The following RIT2 variants were observed in gnomAD, a reference collection of about 807,000 sequenced individuals.
The protein encoded by RIT2 is GTP-binding protein Rit2.
In RIT2, 24 loss-of-function variants were observed where a neutral mutation model predicts 23.7. The ratio of observed to expected loss-of-function variants is 1.01; its 90% CI spans 0.73 to 1.43. RIT2 has a LOEUF of 1.43. Among genes scored for constraint, RIT2 ranks in the 40% most tolerant of loss-of-function variants. The probability of loss-of-function intolerance (pLI) is 0.00; values close to 1 mark genes in which losing one functional copy is unlikely to be tolerated. For missense variants in RIT2, 236 were observed against 266.9 expected (o/e 0.88, Z 0.81); for synonymous variants, 107 against 91.1 (o/e 1.17, Z -0.99).
intron 2 of RIT2, among the ~76,000 whole-genome samples, chr18:42,975,285 G>C (rs558504988): frequency 1.3e-5 from 2 of 152,144 alleles, no homozygotes; most frequent in African/African-American, 4.8e-5. Context: ...TAACCATGTG[G>C]ATTTTGTTTT....
intron 2 of RIT2, among the ~76,000 whole-genome samples, chr18:43,022,184 T>G (rs944769374): frequency 6.6e-6 from 1 of 152,150 alleles, no homozygotes; most frequent in African/African-American, 2.4e-5. Flanking sequence ...GTCATTAAAT[T>G]AAGTGAAATA....
At chr18:42,842,671 T>C (rs1906799517) in intron 4 of RIT2, among the ~76,000 whole-genome samples, 1 of 152,100 alleles carries the variant, frequency 6.6e-6, no homozygotes, top group Non-Finnish European at 1.5e-5. Context: ...AAATCTGAAA[T>C]TCAAAATGCT....
chr18:42,853,515 G>A (rs2144039441), intron 4 of RIT2, among the ~76,000 whole-genome samples: 1 of 152,304 alleles, frequency 6.6e-6, no homozygotes, highest in East Asian at 1.9e-4. Flanking sequence ...TTAAAAGCAT[G>A]AAACTTGAAA....
chr18:43,092,256 C>T lies in RIT2; in HGVS notation c.103+23161G>A, dbSNP rs540687701. The stretch of plus-strand genomic sequence containing the variant: ...TGTAGAGCTCTGACTCTGTAATCTC[C>T]AAAAGAGAGGCTTATGGAGTTAGAA... On this transcript the variant is annotated intron_variant, in intron 1 of 4. Transcript: ENST00000326695. Among the ~76,000 whole-genome samples the T allele has an allele frequency of 2.6e-5, 4 of 152,148 alleles. No individual in the cohort carries two copies. In the East Asian group the frequency reaches 7.7e-4, roughly 29 times the overall value.
intron 2 of RIT2, among the ~76,000 whole-genome samples, chr18:42,979,689 A>G (rs1290135797): frequency 6.6e-6 from 1 of 152,144 alleles, no homozygotes; most frequent in Non-Finnish European, 1.5e-5. Context: ...ATCAGCATTG[A>G]TACAAATCTA....
chr18:42,942,628 A>G (rs1909631434), intron 3 of RIT2, among the ~76,000 whole-genome samples: 1 of 152,024 alleles, frequency 6.6e-6, no homozygotes, highest in Admixed American at 6.6e-5. Context: ...GCTTCCTTCC[A>G]TATGCCAAAG....
rs7243656 is a variant in RIT2, at chr18:43,057,700, T to C, written c.104-23833A>G. On this transcript the variant is annotated intron_variant, in intron 1 of 4. Transcript: ENST00000326695. The stretch of plus-strand genomic sequence containing the variant: ...TTAAGATTAGGGGTATAGCACCTTA[T>C]AGTTTTCCATATTCCACCCAGGAAC... Among the ~76,000 whole-genome samples the C allele has an allele frequency of 3.6e-3, 540 of 152,026 alleles. 3 individuals are homozygous for C. Among genetic ancestry groups the C allele is most frequent in the African/African-American group, 0.012 (502 of 41,544 alleles).
intron 1 of RIT2, among the ~76,000 whole-genome samples, chr18:43,105,078 C>T (rs973406922): frequency 6.0e-5 from 9 of 149,600 alleles, no homozygotes; most frequent in Non-Finnish European, 1.0e-4. Flanking sequence ...GTCCTCCAGT[C>T]CTTTCTCTAA....
chr18:42,980,536 G>A (rs1036039064), intron 2 of RIT2, among the ~76,000 whole-genome samples: 4 of 152,170 alleles, frequency 2.6e-5, no homozygotes, highest in South Asian at 2.1e-4. Flanking sequence ...GATACCCCCC[G>A]GAGATTCCCA....
chr18:43,109,138 T>TA (rs1310976201), intron 1 of RIT2, among the ~76,000 whole-genome samples: 1 of 152,226 alleles, frequency 6.6e-6, no homozygotes, highest in Admixed American at 6.5e-5. Flanking sequence ...ACCTCAGAGA[T>TA]ATTGTTACTG....
chr18:42,839,733 A>C (rs998114058), intron 4 of RIT2, among the ~76,000 whole-genome samples: 4 of 152,204 alleles, frequency 2.6e-5, no homozygotes. Context: ...ACCATGCAAT[A>C]TTTAAGACTG....
At chr18:42,990,512 C>A (rs1910817279) in intron 2 of RIT2, among the ~76,000 whole-genome samples, 1 of 152,128 alleles carries the variant, frequency 6.6e-6, no homozygotes, top group South Asian at 2.1e-4. Flanking sequence ...CGTTACACTC[C>A]CTATTGAACT....
At position 42,810,043 on chromosome 18, in the gene RIT2, CAT is replaced by C. The variant is rs34091467; in HGVS notation, c.427-66325_427-66324del. ...GTTACATATATGTATATATAAGTTA[CAT>C]ATGTTATATATGTTATATATATGTT... On this transcript the variant is annotated intron_variant, in intron 4 of 4. Coordinates refer to ENST00000326695, the MANE Select transcript of RIT2 (RefSeq NM_002930.4). Among the ~76,000 whole-genome samples the C allele has an allele frequency of 2.1e-3, 308 of 143,892 alleles. 2 individuals carry two copies. The highest frequency in any genetic ancestry group is 7.4e-3 in the African/African-American group (293 of 39,482). The allele number at this position is 143,892 out of a possible 152,430, so 94.4% of individuals were successfully genotyped here. A position where few individuals can be genotyped will look rare whatever the true frequency, so the allele number is the denominator to read the frequency against.
chr18:42,836,952 G>A (rs1906621806), intron 4 of RIT2, among the ~76,000 whole-genome samples: 1 of 151,914 alleles, frequency 6.6e-6, no homozygotes, highest in Non-Finnish European at 1.5e-5. Flanking sequence ...CAGACACACT[G>A]GGTTCACTAA....
chr18:42,878,667 A>G (rs527331057), intron 4 of RIT2, among the ~76,000 whole-genome samples: 1 of 151,730 alleles, frequency 6.6e-6, no homozygotes, highest in East Asian at 1.9e-4. Flanking sequence ...TTCCAAACTT[A>G]TTCCCCATTG....
intron 4 of RIT2, among the ~76,000 whole-genome samples, chr18:42,918,426 T>G (rs956058448): frequency 6.6e-6 from 1 of 152,142 alleles, no homozygotes; most frequent in African/African-American, 2.4e-5. Context: ...TAAATAAAGC[T>G]AATTAATTGT....
chr18:43,091,160 T>A (rs566324548), intron 1 of RIT2, among the ~76,000 whole-genome samples: 1 of 151,692 alleles, frequency 6.6e-6, no homozygotes, highest in Non-Finnish European at 1.5e-5. Context: ...CATTTTAATA[T>A]ATATTATATA....
chr18:42,921,459 T>C (rs1478197836), intron 4 of RIT2, among the ~76,000 whole-genome samples: 2 of 152,108 alleles, frequency 1.3e-5, no homozygotes, highest in African/African-American at 2.4e-5. Flanking sequence ...TGCAATTCAC[T>C]TCACTGCTAA....
chr18:43,026,565 GAAAT>G (rs1384557726), intron 2 of RIT2, among the ~76,000 whole-genome samples: 5 of 94,764 alleles, frequency 5.3e-5, no homozygotes, highest in Admixed American at 1.1e-4. Flanking sequence ...AAAAAAGTAA[GAAAT>G]AAATAAGAAA....
Sources: gnomAD v4.1 joint callset for allele counts (sites outside exome capture counted in the v4.1 genomes callset) on GRCh38, gnomAD v4.1.1 for gene constraint, MANE v1.5 for transcripts, NCBI Gene and HGNC (gene_info 2026-07-23, HGNC 2026-07-21) for gene names.